Variants in IFI27L1 observed in about 807,000 individuals in gnomAD.
IFI27L1 encodes interferon alpha-inducible protein 27-like protein 1.
IFI27L1 carries 3 observed loss-of-function variants against 9.2 expected under a neutral mutation model. The observed-to-expected ratio is 0.32, with a 90% CI of 0.15 to 0.84. The LOEUF is 0.84. Ranked by LOEUF, IFI27L1 falls within the 40% of genes least tolerant of loss-of-function variation. The pLI is 0.56. For synonymous variants in IFI27L1, 53 were observed against 50.0 expected, an observed-to-expected ratio of 1.06 and a Z score of -0.26; for missense variants, 133 against 134.2, an observed-to-expected ratio of 0.99 and a Z score of 0.05.
chr14:94,102,033 C>G (rs764122953), intron 4 of IFI27L1, 58 bp downstream of exon 4: 32 of 1,582,542 alleles, frequency 2.0e-5, no homozygotes, highest in African/African-American at 2.7e-5. Context: ...CGAGGCTGAA[C>G]CAGGGAGGCC....
At chr14:94,088,220 A>T (rs1300571651) in intron 1 of IFI27L1, 1 of 702,052 alleles carries the variant, frequency 1.4e-6, no homozygotes, top group African/African-American at 1.7e-5. Flanking sequence ...ACTGCCAAGC[A>T]TTGTAGTAGG....
intron 1 of IFI27L1, among the ~76,000 whole-genome samples, chr14:94,087,277 G>A (rs1886312804): frequency 1.3e-5 from 2 of 152,210 alleles, no homozygotes; most frequent in African/African-American, 2.4e-5. Context: ...TATTTTTTGT[G>A]TAAGGTTGTG....
chr14:94,090,182 T>G (rs147658612), intron 1 of IFI27L1, among the ~76,000 whole-genome samples: 152 of 152,318 alleles, frequency 1.0e-3, no homozygotes, highest in African/African-American at 2.6e-3. Flanking sequence ...TGATCCAGAT[T>G]TTTACATTAC....
chr14:94,102,063 C>T (rs1383612700), intron 4 of IFI27L1, 88 bp downstream of exon 4: 16 of 1,385,356 alleles, frequency 1.2e-5, no homozygotes, highest in Middle Eastern at 1.8e-4. Context: ...CCTGCAGGTC[C>T]GTGATCCTCT....
At chr14:94,090,187 C>T (rs1886423358) in intron 1 of IFI27L1, among the ~76,000 whole-genome samples, 2 of 152,212 alleles carry the variant, frequency 1.3e-5, no homozygotes. Flanking sequence ...CAGATTTTTA[C>T]ATTACCCATC....
chr14:94,089,852 G>T (rs1240416766), intron 1 of IFI27L1, among the ~76,000 whole-genome samples: 1 of 151,668 alleles, frequency 6.6e-6, no homozygotes, highest in Admixed American at 6.6e-5. Flanking sequence ...TAACTATTAG[G>T]GTCTCTTGTA....
chr14:94,092,416 CAGG>C (rs1446730873), intron 1 of IFI27L1, among the ~76,000 whole-genome samples: 2 of 151,980 alleles, frequency 1.3e-5, no homozygotes, highest in African/African-American at 2.4e-5. Flanking sequence ...GAGGCTGAGG[CAGG>C]AGAATTGCTT....
At chr14:94,097,637 C>T in intron 2 of IFI27L1, 1 of 702,260 alleles carries the variant, frequency 1.4e-6, no homozygotes. Context: ...GGGACTGGAG[C>T]TGCAGAAGTA....
intron 2 of IFI27L1, chr14:94,100,329 T>C (rs12587898): frequency 0.3 from 294,813 of 985,066 alleles, 47,024 homozygotes; most frequent in African/African-American, 0.55. Flanking sequence ...GAGCTCTTTC[T>C]AGCAGGCCCT....
intron 2 of IFI27L1, among the ~76,000 whole-genome samples, chr14:94,098,694 C>T (rs1229006146): frequency 2.0e-5 from 3 of 152,004 alleles, no homozygotes; most frequent in Non-Finnish European, 2.9e-5. Flanking sequence ...TCAGTGGGGA[C>T]GTTGTAAGTC....
intron 1 of IFI27L1, among the ~76,000 whole-genome samples, chr14:94,085,258 G>A (rs537428197): frequency 1.3e-5 from 2 of 152,208 alleles, no homozygotes; most frequent in Non-Finnish European, 1.5e-5. Context: ...CTAGAAGGGT[G>A]GGGGAATCAG....
rs1323168252 is a variant in IFI27L1, at chr14:94,101,925, A to G, written c.173A>G (p.Asn58Ser). The part of the protein sequence containing the change: ...AKMMSTAAIA[N>S]GGGVAAGSLV... ...ATGATGTCTACAGCAGCCATTGCCA[A>G]CGGGGGCGGAGTTGCTGCTGGCAGT... The change falls in exon 4 of 5, where the codon AAC becomes AGC. Residue 58 changes from asparagine (N) to serine (S), a missense_variant. By Grantham distance (46) the Asn-to-Ser change is conservative. Coordinates refer to ENST00000555523, the MANE Select transcript of IFI27L1 (RefSeq NM_206949.3). 3 of 1,614,232 alleles carry G rather than the reference A, an allele frequency of 1.9e-6. No individual in the cohort carries two copies. In the South Asian group the frequency reaches 3.3e-5, roughly 18 times the overall value.
chr14:94,102,197 C>T (rs1042346917), intron 4 of IFI27L1: 4 of 608,696 alleles, frequency 6.6e-6, no homozygotes, highest in Admixed American at 2.9e-5. Context: ...GTCTCCTCCC[C>T]TCTCTGGGCC....
chr14:94,097,656 G>A (rs754458004), intron 2 of IFI27L1: 1 of 702,286 alleles, frequency 1.4e-6, no homozygotes, highest in South Asian at 1.5e-5. Flanking sequence ...TATGAGGGAT[G>A]GTCAGACTGG....
chr14:94,088,281 C>T (rs980252307), intron 1 of IFI27L1: 15 of 702,180 alleles, frequency 2.1e-5, no homozygotes, highest in East Asian at 8.0e-5. Context: ...CCATTTCTTA[C>T]GTTACTATGC....
At chr14:94,099,471 G>A (rs1326801207) in intron 2 of IFI27L1, among the ~76,000 whole-genome samples, 5 of 152,290 alleles carry the variant, frequency 3.3e-5, no homozygotes, top group Admixed American at 2.6e-4. Flanking sequence ...GGAACAGAAA[G>A]ACACAGAGAT....
chr14:94,092,018 T>C (rs4900217), intron 1 of IFI27L1, among the ~76,000 whole-genome samples: 43,895 of 151,152 alleles, frequency 0.29, 6,724 homozygotes, highest in East Asian at 0.51. Flanking sequence ...CCCAGCTACT[T>C]GGGAGGCTGA....
intron 1 of IFI27L1, among the ~76,000 whole-genome samples, chr14:94,084,207 G>T (rs1886204454): frequency 6.6e-6 from 1 of 152,190 alleles, no homozygotes; most frequent in African/African-American, 2.4e-5. Flanking sequence ...CTGACTTGGA[G>T]ATCTGTGACT....
At chr14:94,100,484 C>G in intron 2 of IFI27L1, 1 of 985,266 alleles carries the variant, frequency 1.0e-6, no homozygotes, top group Non-Finnish European at 1.2e-6. Context: ...TGCAGGGGGC[C>G]CAGCCACAAG....
Sources: gnomAD v4.1 joint callset for allele counts (sites outside exome capture counted in the v4.1 genomes callset) on GRCh38, gnomAD v4.1.1 for gene constraint, MANE v1.5 for transcripts, NCBI Gene and HGNC (gene_info 2026-07-23, HGNC 2026-07-21) for gene names.